WASHC4: variants seen among roughly 807,000 people sequenced by gnomAD.
WASHC4 encodes WASH complex subunit 7.
Under a neutral mutation model 166.6 loss-of-function variants are expected in WASHC4, and 86 were observed. That is an observed-to-expected ratio of 0.52 (90% confidence interval 0.43 to 0.62). The LOEUF (loss-of-function observed/expected upper bound fraction) is 0.62, where lower values mean the gene tolerates loss of function less well. WASHC4 is among the 20% of genes least tolerant of loss of function. WASHC4 has a pLI of 0.00. For missense variants in WASHC4, 1,262 were observed against 1,382.4 expected (o/e 0.91, Z 1.38); for synonymous variants, 446 against 451.6 (o/e 0.99, Z 0.16).
intron 22 of WASHC4, 66 bp from the exon 23 acceptor site, chr12:105,146,386 C>T: frequency 2.1e-6 from 2 of 948,232 alleles, no homozygotes; most frequent in Admixed American, 3.5e-5. Flanking sequence ...AGTCATTATG[C>T]TGATACAAGT....
intron 23 of WASHC4, among the ~76,000 whole-genome samples, chr12:105,146,737 T>G (rs1432258514): frequency 1.3e-5 from 2 of 152,160 alleles, no homozygotes; most frequent in East Asian, 1.9e-4. Context: ...TTTCAGATTT[T>G]TTTTTGGATT....
Position 105,148,204 on chromosome 12 carries a change from T to C in WASHC4, c.2514+1058T>C, listed in dbSNP as rs1430760885. The C allele has an allele frequency of 1.3e-5, 13 of 985,150 alleles. No homozygotes were observed. The South Asian group carries it at 3.3e-4, about 25-fold the overall frequency. 61.0% of individuals were successfully genotyped at this position (985,150 alleles called of 1,614,324 possible). ...GAGTGATATGATTGGAGCTCCATTA[T>C]AGTGGGGTTATCAATATAGAAATGA... is the stretch of plus-strand genomic sequence containing the variant. On this transcript the variant is annotated intron_variant, in intron 24 of 32. Transcript: ENST00000332180.
At chr12:105,131,158 C>T (rs1054607951) in intron 13 of WASHC4, among the ~76,000 whole-genome samples, 1 of 150,816 alleles carries the variant, frequency 6.6e-6, no homozygotes, top group African/African-American at 2.4e-5. Context: ...GCAATCTCGG[C>T]TCACTGCAAG....
At chr12:105,140,095 A>T (rs754942313) in intron 15 of WASHC4, among the ~76,000 whole-genome samples, 199 bp from the exon 16 acceptor site, 18 of 151,762 alleles carry the variant, frequency 1.2e-4, no homozygotes, top group Non-Finnish European at 2.5e-4. Context: ...CTGGTCTCGA[A>T]CTCCTGACCT....
At chr12:105,146,930 T>G (rs940415843) in intron 23 of WASHC4, 112 bp from the exon 24 acceptor site, 6 of 727,744 alleles carry the variant, frequency 8.2e-6, no homozygotes, top group African/African-American at 6.9e-5. Context: ...GATTGCATTT[T>G]CAATTAAATT....
In WASHC4 at chr12:105,149,663, C is replaced by G. The variant is rs754693190; in HGVS notation, c.2563C>G (p.Gln855Glu). The G allele has an allele frequency of 7.0e-6, 11 of 1,560,482 alleles. No individual in the cohort carries two copies. Among genetic ancestry groups the G allele is most frequent in the Non-Finnish European group, 7.9e-6 (9 of 1,135,322 alleles). ...GAAAAAGAAGTTCTATATATTTAGC[C>G]AATTTATGTATGATGAACACATCAA... The part of the protein sequence containing the change: ...FLKKKFYIFS[Q>E]FMYDEHIKSR... Residue 855 changes from glutamine to glutamate, a missense_variant, in exon 25 of 33, where the codon CAA becomes GAA. Gln to Glu is a conservative substitution (Grantham distance 29). Transcript: ENST00000332180.
chr12:105,139,736 GTCT>G (rs1218167993), intron 15 of WASHC4, among the ~76,000 whole-genome samples: 2 of 151,448 alleles, frequency 1.3e-5, no homozygotes, highest in East Asian at 3.9e-4. Context: ...TTCATTTTGG[GTCT>G]TCTTATATCC....
At position 105,156,169 on chromosome 12, in the gene WASHC4, A is replaced by G. The variant is rs116783553; in HGVS notation, c.2759-557A>G. On this transcript the variant is annotated intron_variant, in intron 26 of 32. Transcript: ENST00000332180. ...TAAGACATTTGGCTTGAGCAACTGA[A>G]AGGATAGAATTGCCAGTTTCTTTGA... Among the ~76,000 whole-genome samples, 208 of 152,330 alleles carry G rather than the reference A, an allele frequency of 1.4e-3. 2 individuals are homozygous for G. Among genetic ancestry groups the G allele is most frequent in the African/African-American group, 4.9e-3 (203 of 41,574 alleles).
intron 14 of WASHC4, among the ~76,000 whole-genome samples, chr12:105,135,327 T>G (rs1412241769): frequency 6.6e-6 from 1 of 151,976 alleles, no homozygotes; most frequent in Non-Finnish European, 1.5e-5. Context: ...TGTTGATGAA[T>G]TGTAATAGTT....
chr12:105,157,617 A>G (rs1884253819), intron 28 of WASHC4, among the ~76,000 whole-genome samples: 1 of 152,190 alleles, frequency 6.6e-6, no homozygotes, highest in Admixed American at 6.5e-5. Context: ...AAGATTTAGT[A>G]TAAAAGGAGG....
intron 1 of WASHC4, among the ~76,000 whole-genome samples, chr12:105,110,143 A>C (rs1879524863): frequency 6.6e-6 from 1 of 152,174 alleles, no homozygotes; most frequent in Non-Finnish European, 1.5e-5. Flanking sequence ...CAGAAACCTT[A>C]ATGAACTAAA....
chr12:105,148,367 A>G, intron 24 of WASHC4: 2 of 985,176 alleles, frequency 2.0e-6, no homozygotes, highest in Non-Finnish European at 2.4e-6. Flanking sequence ...CATGTAACAG[A>G]TGTGAATGTA....
intron 31 of WASHC4, 147 bp downstream of exon 31, chr12:105,164,454 GT>G: frequency 1.2e-6 from 1 of 852,068 alleles, no homozygotes; most frequent in Non-Finnish European, 1.9e-6. Context: ...TTTAAAATGA[GT>G]GCTATTTGGA....
chr12:105,131,070 ATTTATTTATTTATTTT>A (rs1194999374), intron 13 of WASHC4, among the ~76,000 whole-genome samples: 2 of 149,288 alleles, frequency 1.3e-5, no homozygotes, highest in Non-Finnish European at 3.0e-5. Context: ...TTATATATTT[ATTTATTTATTTATTTT>A]TTTTTTTTTT....
intron 10 of WASHC4, 48 bp from the exon 11 acceptor site, chr12:105,125,956 C>T (rs745878926): frequency 1.5e-5 from 24 of 1,561,046 alleles, no homozygotes; most frequent in South Asian, 5.6e-5. Flanking sequence ...AATGTTTAAT[C>T]GTTTATTATT....
At chr12:105,151,906 A>G (rs376330493) in intron 25 of WASHC4, among the ~76,000 whole-genome samples, 1 of 152,246 alleles carries the variant, frequency 6.6e-6, no homozygotes, top group East Asian at 1.9e-4. Flanking sequence ...AACCAAGACC[A>G]AAAAGTAGTT....
In WASHC4 at chr12:105,126,043, G is replaced by T; in HGVS notation, c.826G>T (p.Val276Leu). ...ACAATTTGATTCTCTCAATGGAGGA[G>T]TATCTGTGTCAAAAAATAGTACTTT... ...EQQFDSLNGG[V>L]SVSKNSTFAE... The change falls in exon 11 of 33, where the codon GTA becomes TTA. Residue 276 changes from valine (V) to leucine (L), a missense_variant. Physicochemically the swap from Val to Leu is conservative, Grantham distance 32 (BLOSUM62 1). Transcript: ENST00000332180. The T allele has an allele frequency of 1.2e-6, 2 of 1,612,588 alleles. No homozygotes were observed. Among genetic ancestry groups the T allele is most frequent in the Admixed American group, 1.7e-5 (1 of 59,958 alleles).
chr12:105,112,690 TG>T (rs896174678), intron 2 of WASHC4, among the ~76,000 whole-genome samples: 1 of 152,166 alleles, frequency 6.6e-6, no homozygotes, highest in Admixed American at 6.5e-5. Context: ...CTTATGGCCA[TG>T]TGTCTGTTTT....
Position 105,164,676 on chromosome 12 carries a change from A to G in WASHC4, c.3390A>G (p.Ala1130=). ...TGCTGTATTTCTCACTGAGCAGTGC[A>G]AGAATTTTCTTCAGAGCAGACAAGA... ...FELLYFSLSS[A]RIFFRADKTA... The change falls in exon 32 of 33, where the codon GCA becomes GCG. Residue 1130 remains alanine (A), a synonymous_variant. Transcript: ENST00000332180. The G allele has an allele frequency of 1.2e-6, 2 of 1,613,596 alleles. No individual in the cohort carries two copies. The highest frequency in any genetic ancestry group is 1.7e-6 in the Non-Finnish European group (2 of 1,179,694).
Sources: allele counts gnomAD v4.1 joint callset (sites outside exome capture counted in the v4.1 genomes callset), GRCh38; gene constraint gnomAD v4.1.1; transcripts MANE v1.5; gene names NCBI Gene and HGNC (gene_info 2026-07-23, HGNC 2026-07-21).